Variants in CDK5RAP2 observed in about 807,000 individuals in gnomAD.
The protein encoded by CDK5RAP2 is CDK5 regulatory subunit-associated protein 2.
Under a neutral mutation model 232.9 loss-of-function variants are expected in CDK5RAP2, and 147 were observed. That is an observed-to-expected ratio of 0.63 (90% CI 0.55 to 0.72). The LOEUF (loss-of-function observed/expected upper bound fraction) is 0.72. Among genes scored for constraint, CDK5RAP2 ranks in the 30% least tolerant of loss-of-function variants. CDK5RAP2 has a pLI of 0.00. For synonymous variants in CDK5RAP2, 833 were observed against 833.7 expected (o/e 1.00, Z 0.01); for missense variants, 2,195 against 2,231.5 (o/e 0.98, Z 0.33).
At chr9:120,413,688 G>A (rs941667471) in intron 28 of CDK5RAP2, among the ~76,000 whole-genome samples, 1 of 152,214 alleles carries the variant, frequency 6.6e-6, no homozygotes, top group Non-Finnish European at 1.5e-5. Flanking sequence ...GCATTACCAA[G>A]AGTGAATGTG....
chr9:120,426,286 G>A (rs148807641), intron 25 of CDK5RAP2, among the ~76,000 whole-genome samples: 3 of 152,306 alleles, frequency 2.0e-5, no homozygotes, highest in African/African-American at 7.2e-5. Context: ...AGCCCCAGGA[G>A]GTCCTGAGAA....
chr9:120,501,812 G>A (rs2039588680), intron 12 of CDK5RAP2, among the ~76,000 whole-genome samples: 1 of 152,202 alleles, frequency 6.6e-6, no homozygotes, highest in African/African-American at 2.4e-5. Flanking sequence ...CCCTGCCCAA[G>A]TCCTTGGCTC....
chr9:120,528,930 C>G, intron 8 of CDK5RAP2, 133 bp from the exon 9 acceptor site: 1 of 707,608 alleles, frequency 1.4e-6, no homozygotes, highest in South Asian at 1.5e-5. Context: ...AAACAAGTGT[C>G]CCCTCCCTCT....
chr9:120,538,109 A>C (rs2041473008), intron 6 of CDK5RAP2, among the ~76,000 whole-genome samples: 1 of 152,184 alleles, frequency 6.6e-6, no homozygotes, highest in African/African-American at 2.4e-5. Context: ...ACCACTTCTG[A>C]CCTATACTAT....
In CDK5RAP2 at chr9:120,580,005, T is replaced by A; in HGVS notation, c.-27A>T. 4 of 1,528,426 alleles carry A rather than the reference T, an allele frequency of 2.6e-6. No homozygotes were observed. The highest frequency in any genetic ancestry group is 3.6e-6 in the Non-Finnish European group (4 of 1,104,002). The allele number at this position is 1,528,426 out of a possible 1,614,324, so 94.7% of individuals were successfully genotyped here. On this transcript the variant is annotated 5_prime_UTR_variant, in exon 1 of 38. Coordinates refer to ENST00000349780, the MANE Select transcript of CDK5RAP2 (RefSeq NM_018249.6). Reference sequence around the variant, plus strand: ...GCTACAGAGGTGGCGACAGCGTTGGTGTCTGTGGCGGCGGCGCCACTAGTA... The same window carrying A: ...GCTACAGAGGTGGCGACAGCGTTGGAGTCTGTGGCGGCGGCGCCACTAGTA...
At chr9:120,493,727 ACT>A (rs2039017452) in intron 12 of CDK5RAP2, among the ~76,000 whole-genome samples, 1 of 152,158 alleles carries the variant, frequency 6.6e-6, no homozygotes, top group African/African-American at 2.4e-5. Context: ...AATGTGAAAA[ACT>A]CTAAAGAACA....
intron 25 of CDK5RAP2, among the ~76,000 whole-genome samples, chr9:120,425,648 T>C (rs998549179): frequency 2.0e-5 from 3 of 152,238 alleles, no homozygotes; most frequent in African/African-American, 7.2e-5. Context: ...AGAAGCCACT[T>C]TTGAAACAGT....
rs899576554 is a variant in CDK5RAP2, at chr9:120,408,467, C to A, written c.4606G>T (p.Val1536Leu). 6.2e-7 allele frequency: 1 copy of A among 1,614,144 alleles called. No individual in the cohort carries two copies. The stretch of plus-strand genomic sequence containing the variant: ...TGCCTCAACTTCACCTCCTCCTGCA[C>A]CCTGAGAAGGCCCCACAGGCATGAG... ...VRCSGQELSRVQEEVKLRQQL... is the reference protein window; with the variant it reads ...VRCSGQELSRLQEEVKLRQQL... The change falls in exon 31 of 38, where the codon GTG becomes TTG. Residue 1536 changes from valine to leucine, a missense_variant and splice_region_variant. Val to Leu is a conservative substitution (Grantham distance 32). Coordinates refer to ENST00000349780, the MANE Select transcript of CDK5RAP2 (RefSeq NM_018249.6).
intron 3 of CDK5RAP2, among the ~76,000 whole-genome samples, chr9:120,553,964 G>C (rs1398531428): frequency 6.6e-6 from 1 of 152,082 alleles, no homozygotes. Context: ...TAGTCTACTA[G>C]TCTATAGTTA....
intron 13 of CDK5RAP2, among the ~76,000 whole-genome samples, chr9:120,489,431 C>G (rs1250052892): frequency 3.3e-5 from 5 of 150,106 alleles, no homozygotes; most frequent in African/African-American, 5.1e-5. Context: ...TTGAAAACTT[C>G]CTTTCCTCTG....
rs756609418 is a variant in CDK5RAP2, at chr9:120,439,491, T to C, written c.3630A>G (p.Glu1210=). 6.2e-7 allele frequency: 1 copy of C among 1,614,222 alleles called. No homozygotes were observed. The highest frequency in any genetic ancestry group is 1.7e-5 in the Admixed American group (1 of 60,028). The change falls in exon 24 of 38, where the codon GAA becomes GAG. Residue 1210 remains glutamate, a synonymous_variant. Transcript: ENST00000349780. ...ENLKQQLEEQ[E]YKLQKEQNLN... is the part of the protein sequence containing the mutation. ...AATTCTGCTCCTTCTGCAGCTTGTATTCCTGTTCCTCCAGCTGCTGTTTGA... is the reference window on the plus strand; with the variant it reads ...AATTCTGCTCCTTCTGCAGCTTGTACTCCTGTTCCTCCAGCTGCTGTTTGA...
At chr9:120,491,514 C>A (rs780545764) in intron 12 of CDK5RAP2, 37 bp from the exon 13 acceptor site, 14 of 1,469,346 alleles carry the variant, frequency 9.5e-6, no homozygotes, top group Non-Finnish European at 1.2e-5. Flanking sequence ...ATTTACTTGA[C>A]AAAAATTTCA....
At position 120,448,088 on chromosome 9, in the gene CDK5RAP2, T is replaced by C. The variant is rs151321220; in HGVS notation, c.2832A>G (p.Pro944=). 6.8e-6 allele frequency: 11 copies of C among 1,614,206 alleles called. No individual in the cohort carries two copies. In the African/African-American group the frequency reaches 1.2e-4, roughly 18 times the overall value. Residue 944 remains proline, a synonymous_variant, in exon 22 of 38, where the codon CCA becomes CCG. Coordinates refer to ENST00000349780, the MANE Select transcript of CDK5RAP2 (RefSeq NM_018249.6). ...KKSRLPILIK[P]SRSLGNMYRL... is the part of the protein sequence containing the mutation. ...GATACATATTTCCTAATGACCGGGA[T>C]GGTTTTATTAGGATTGGCAAGCGGG... is the stretch of plus-strand genomic sequence containing the variant.
Position 120,453,479 on chromosome 9 carries a change from A to G in CDK5RAP2, c.2770T>C (p.Ser924Pro), listed in dbSNP as rs2036583628. The G allele has an allele frequency of 3.7e-6, 6 of 1,611,762 alleles. No homozygotes were observed. The highest frequency in any genetic ancestry group is 2.2e-5 in the South Asian group (2 of 91,090). ...ACTCTGTTGGTAATACCAGGGAGGG[A>G]AAGGAGGGCAGCCTGCCACCCAGGC... is the stretch of plus-strand genomic sequence containing the variant. The part of the protein sequence containing the change: ...GVPGWQAALL[S>P]LPGITNREAK... Residue 924 changes from serine (S) to proline (P), a missense_variant, in exon 21 of 38, where the codon TCC (serine) becomes CCC (proline). Transcript: ENST00000349780.
chr9:120,496,590 C>A (rs1156897082), intron 12 of CDK5RAP2, among the ~76,000 whole-genome samples: 11 of 150,290 alleles, frequency 7.3e-5, no homozygotes, highest in African/African-American at 2.5e-4. Flanking sequence ...CGGCCAGCCG[C>A]CCCGTCCGGG....
intron 25 of CDK5RAP2, among the ~76,000 whole-genome samples, chr9:120,432,445 A>G (rs888303370): frequency 4.6e-5 from 7 of 152,188 alleles, no homozygotes; most frequent in African/African-American, 1.7e-4. Flanking sequence ...TAAAGGCTAT[A>G]TTTAAATTTT....
intron 35 of CDK5RAP2, 24 bp downstream of exon 35, chr9:120,400,718 T>C (rs767985869): frequency 5.0e-6 from 8 of 1,612,626 alleles, no homozygotes; most frequent in Non-Finnish European, 6.8e-6. Flanking sequence ...TCCTTGAGCC[T>C]CTGAAACATG....
intron 12 of CDK5RAP2, among the ~76,000 whole-genome samples, chr9:120,498,969 T>C (rs530778399): frequency 2.7e-4 from 41 of 152,178 alleles, no homozygotes; most frequent in Non-Finnish European, 5.3e-4. Flanking sequence ...TATCTCAAAT[T>C]CCTGGGCTTA....
chr9:120,562,259 C>G (rs2042487998), intron 3 of CDK5RAP2, among the ~76,000 whole-genome samples: 1 of 152,180 alleles, frequency 6.6e-6, no homozygotes, highest in Admixed American at 6.5e-5. Context: ...TTCCAAATGG[C>G]CTTCAAAAAG....
Sources: allele counts gnomAD v4.1 joint callset (sites outside exome capture counted in the v4.1 genomes callset), GRCh38; gene constraint gnomAD v4.1.1; transcripts MANE v1.5; gene names NCBI Gene and HGNC (gene_info 2026-07-23, HGNC 2026-07-21).